The following NR5A2 variants were observed in gnomAD, a reference collection of about 807,000 sequenced individuals.
NR5A2 encodes the protein nuclear receptor subfamily 5 group A member 2, also known as CYP7A promoter-binding factor.
NR5A2 carries 26 observed loss-of-function variants against 62.7 expected under a neutral mutation model. The observed-to-expected ratio is 0.41, with a 90% CI of 0.30 to 0.58. The LOEUF (loss-of-function observed/expected upper bound fraction) is 0.58. NR5A2 is among the 20% of genes least tolerant of loss of function. The pLI, the probability that NR5A2 is intolerant of heterozygous loss-of-function variation, is 0.22. For synonymous variants in NR5A2, 246 were observed against 241.7 expected (o/e 1.02, Z -0.16); for missense variants, 541 against 669.1 (o/e 0.81, Z 2.11).
chr1:200,048,950 C>T lies in NR5A2; in HGVS notation c.1110+132C>T, dbSNP rs554614445. ...TACTTTGTATGATTTACAGAGTAGA[C>T]GTAATTTTATTACCTTGACTTCAGG... On this transcript the variant is annotated intron_variant, in intron 5 of 7. Coordinates refer to ENST00000367362, the MANE Select transcript of NR5A2 (RefSeq NM_205860.3). This position sits in a 1 kb window ranked among gnomAD's most constrained non-coding sequence, Gnocchi z 4.8. 6.6e-5 allele frequency: 77 copies of T among 1,162,648 alleles called. No homozygotes were observed. Among genetic ancestry groups the T allele is most frequent in the Admixed American group, 2.2e-4 (9 of 41,062 alleles). 72.0% of individuals were successfully genotyped at this position (1,162,648 alleles called of 1,614,324 possible).
At chr1:200,082,855 G>A (rs766588181) in intron 5 of NR5A2, among the ~76,000 whole-genome samples, 17 of 152,016 alleles carry the variant, frequency 1.1e-4, no homozygotes, top group African/African-American at 4.1e-4. Context: ...ATTTATTAGT[G>A]TTTTTAACCT....
chr1:200,112,871 TTAA>T (rs1414805032), intron 6 of NR5A2, among the ~76,000 whole-genome samples: 2 of 152,210 alleles, frequency 1.3e-5, no homozygotes, highest in African/African-American at 4.8e-5. Flanking sequence ...GGCCCACTAA[TTAA>T]TTTGATTTCA....
At position 200,045,523 on chromosome 1, in the gene NR5A2, G is replaced by A. The variant is rs746566364; in HGVS notation, c.402G>A (p.Gln134=). The change falls in exon 4 of 8, where the codon CAG becomes CAA. Residue 134 remains glutamine (Q), a synonymous_variant. Coordinates refer to ENST00000367362, the MANE Select transcript of NR5A2 (RefSeq NM_205860.3). The part of the protein sequence containing the change: ...ENQNCQIDKT[Q]RKRCPYCRFQ... Reference sequence around the variant, plus strand: ...AGAACTGCCAAATTGACAAAACACAGAGAAAGCGTTGTCCTTACTGTCGTT... The same window carrying A: ...AGAACTGCCAAATTGACAAAACACAAAGAAAGCGTTGTCCTTACTGTCGTT... The A allele has an allele frequency of 2.3e-5, 37 of 1,613,276 alleles. No individual in the cohort carries two copies. The highest frequency in any genetic ancestry group is 3.1e-5 in the Non-Finnish European group (36 of 1,179,528).
chr1:200,044,108 C>G (rs1264668953), intron 3 of NR5A2: 2 of 409,298 alleles, frequency 4.9e-6, no homozygotes, highest in East Asian at 7.7e-5. Flanking sequence ...CTTTGCCAGT[C>G]TCATGGTTCT....
At chr1:200,038,564 AT>A (rs1661890815) in intron 1 of NR5A2, 1 of 509,132 alleles carries the variant, frequency 2.0e-6, no homozygotes, top group Non-Finnish European at 3.6e-6. Flanking sequence ...CCAACTCTGC[AT>A]GTAAGAACGG....
Position 200,048,018 on chromosome 1 carries a change from T to C in NR5A2, c.464-154T>C, listed in dbSNP as rs1662453120. On this transcript the variant is annotated intron_variant, in intron 4 of 7. Coordinates refer to ENST00000367362, the MANE Select transcript of NR5A2 (RefSeq NM_205860.3). The surrounding 1 kb of genome is among the most constrained non-coding windows in gnomAD (Gnocchi z 4.8). Reference sequence around the variant, plus strand: ...AAGGAATTCATAAATAAAGAGGACATGGTTTTTTGGGAAATCTTTGTGGGC... The same window carrying C: ...AAGGAATTCATAAATAAAGAGGACACGGTTTTTTGGGAAATCTTTGTGGGC... Among the ~76,000 whole-genome samples, 1 of 152,170 alleles carries C rather than the reference T, an allele frequency of 6.6e-6. No individual in the cohort carries two copies. Among genetic ancestry groups the C allele is most frequent in the African/African-American group, 2.4e-5 (1 of 41,434 alleles).
intron 7 of NR5A2, among the ~76,000 whole-genome samples, chr1:200,160,017 G>A (rs111552221): frequency 2.6e-5 from 4 of 152,152 alleles, no homozygotes; most frequent in African/African-American, 9.6e-5. Context: ...TTTCCCCATG[G>A]CACCCTCCTC....
chr1:200,052,727 C>T (rs528722535), intron 5 of NR5A2, among the ~76,000 whole-genome samples: 48 of 151,992 alleles, frequency 3.2e-4, no homozygotes, highest in African/African-American at 1.0e-3. Context: ...TTGCAAGCTC[C>T]GCCTCTTGGG....
chr1:200,095,708 A>G (rs536747307), intron 5 of NR5A2, among the ~76,000 whole-genome samples: 4 of 110,416 alleles, frequency 3.6e-5, no homozygotes, highest in South Asian at 3.1e-4. Context: ...ACCCGCCACC[A>G]TGCCCAGCTA....
chr1:200,169,661 G>A (rs1654081003), intron 7 of NR5A2, among the ~76,000 whole-genome samples: 1 of 152,202 alleles, frequency 6.6e-6, no homozygotes, highest in Non-Finnish European at 1.5e-5. Context: ...ATTAGTCCCT[G>A]AGTGAATAAA....
At position 200,048,065 on chromosome 1, in the gene NR5A2, A is replaced by G; in HGVS notation, c.464-107A>G. On this transcript the variant is annotated intron_variant, in intron 4 of 7. Transcript: ENST00000367362. This position sits in a 1 kb window ranked among gnomAD's most constrained non-coding sequence, Gnocchi z 4.8. ...GGGCTATTGTAACGAAAACAACCAC[A>G]CACATACCACTTCTTGTCGATTTAC... 9.3e-7 allele frequency: 1 copy of G among 1,077,460 alleles called. No homozygotes were observed. Among genetic ancestry groups the G allele is most frequent in the South Asian group, 1.6e-5 (1 of 62,160 alleles). The allele number at this position is 1,077,460 out of a possible 1,614,324, so 66.7% of individuals were successfully genotyped here. A position where few individuals can be genotyped will look rare whatever the true frequency, so the allele number is the denominator to read the frequency against.
intron 5 of NR5A2, among the ~76,000 whole-genome samples, chr1:200,063,648 A>G (rs1663332310): frequency 1.3e-5 from 2 of 152,194 alleles, no homozygotes; most frequent in African/African-American, 4.8e-5. Context: ...GAAAGGATCA[A>G]ACCACATTAC....
At chr1:200,042,717 C>G in intron 2 of NR5A2, 1 of 766,806 alleles carries the variant, frequency 1.3e-6, no homozygotes, top group African/African-American at 1.9e-5. Flanking sequence ...CGGGTGCCCG[C>G]CCACCCGCGC....
intron 5 of NR5A2, among the ~76,000 whole-genome samples, chr1:200,053,398 CTG>C (rs956947518): frequency 2.0e-5 from 3 of 152,148 alleles, no homozygotes; most frequent in Non-Finnish European, 1.5e-5. Context: ...GAAGAGATCA[CTG>C]AGATCATTTG....
intron 6 of NR5A2, among the ~76,000 whole-genome samples, chr1:200,116,197 G>A (rs1666206674): frequency 6.6e-6 from 1 of 152,156 alleles, no homozygotes; most frequent in Non-Finnish European, 1.5e-5. Flanking sequence ...CACCTTGAAA[G>A]CATGTATGTC....
intron 5 of NR5A2, among the ~76,000 whole-genome samples, chr1:200,080,322 T>G (rs908510698): frequency 6.6e-6 from 1 of 152,196 alleles, no homozygotes; most frequent in African/African-American, 2.4e-5. Context: ...CAAAAATCAT[T>G]TGCCTCAGCC....
chr1:200,071,842 A>T (rs951396943), intron 5 of NR5A2, among the ~76,000 whole-genome samples: 2 of 152,208 alleles, frequency 1.3e-5, no homozygotes, highest in Admixed American at 6.5e-5. Context: ...ACCAATTATA[A>T]TATTTAGCAG....
intron 6 of NR5A2, among the ~76,000 whole-genome samples, chr1:200,117,823 C>G (rs143512594): frequency 0.064 from 9,691 of 151,898 alleles, 443 homozygotes; most frequent in Non-Finnish European, 0.097. Flanking sequence ...AAACGATTCT[C>G]CAGCCTCAGC....
chr1:200,119,337 A>G (rs1666378243), intron 6 of NR5A2, among the ~76,000 whole-genome samples: 1 of 152,234 alleles, frequency 6.6e-6, no homozygotes, highest in South Asian at 2.1e-4. Context: ...TGAAATGTCA[A>G]TAAATATAAA....
Sources: gnomAD v4.1 joint callset for allele counts (sites outside exome capture counted in the v4.1 genomes callset) on GRCh38, gnomAD v4.1.1 for gene constraint, Gnocchi (gnomAD v3.1) non-coding constraint, MANE v1.5 for transcripts, NCBI Gene and HGNC (gene_info 2026-07-23, HGNC 2026-07-21) for gene names.